The following NUDT5 variants were observed in gnomAD, a reference collection of about 807,000 sequenced individuals.
NUDT5 encodes the protein ADP-sugar pyrophosphatase.
A neutral mutation model predicts 34.1 loss-of-function variants in NUDT5; 21 were observed. That is an observed-to-expected ratio of 0.62 (90% CI 0.44 to 0.89). The LOEUF (loss-of-function observed/expected upper bound fraction) is 0.89. Among genes scored for constraint, NUDT5 ranks in the 40% least tolerant of loss-of-function variants. The pLI is 0.00. For missense variants in NUDT5, 249 were observed against 274.8 expected (o/e 0.91, Z 0.66); for synonymous variants, 85 against 97.6 (o/e 0.87, Z 0.76).
At chr10:12,172,558 C>T (rs1460775965) in intron 7 of NUDT5, 1 of 584,148 alleles carries the variant, frequency 1.7e-6, no homozygotes, top group Non-Finnish European at 3.1e-6. Flanking sequence ...CATTTTTTTA[C>T]AAAGAAAGCG....
In NUDT5 at chr10:12,166,835, A is replaced by G. The variant is rs1308319531; in HGVS notation, c.*867T>C. 1 of 453,386 alleles carries G rather than the reference A, an allele frequency of 2.2e-6. No individual in the cohort carries two copies. Among genetic ancestry groups the G allele is most frequent in the African/African-American group, 2.0e-5 (1 of 49,122 alleles). The allele number at this position is 453,386 out of a possible 1,614,324, so 28.1% of individuals were successfully genotyped here. ...TAGAACTGCTAGATGACAGGGTTTC[A>G]GGCATGGGAACCAGATCAATCTGTA... is the stretch of plus-strand genomic sequence containing the variant. On this transcript the variant is annotated 3_prime_UTR_variant, in exon 10 of 10. Transcript: ENST00000491614.
intron 1 of NUDT5, among the ~76,000 whole-genome samples, chr10:12,194,068 G>C (rs1186020975): frequency 2.6e-5 from 4 of 152,186 alleles, no homozygotes; most frequent in Non-Finnish European, 4.4e-5. Flanking sequence ...GTAGGGACGG[G>C]GTTTCGCCAT....
chr10:12,180,049 C>T (rs1374290744), intron 3 of NUDT5, among the ~76,000 whole-genome samples: 1 of 152,156 alleles, frequency 6.6e-6, no homozygotes, highest in African/African-American at 2.4e-5. Context: ...AAGGAGTTAC[C>T]ACCTGCATCT....
chr10:12,176,212 T>TA (rs564517126), intron 5 of NUDT5, among the ~76,000 whole-genome samples: 16 of 146,588 alleles, frequency 1.1e-4, no homozygotes, highest in South Asian at 6.5e-4. Flanking sequence ...AATAAAAAAA[T>TA]AAAAAAAAAG....
chr10:12,169,887 C>A lies in NUDT5; in HGVS notation c.550+830G>T. On this transcript the variant is annotated intron_variant, in intron 9 of 9. Coordinates refer to ENST00000491614, the MANE Select transcript of NUDT5 (RefSeq NM_014142.4). This position sits in a 1 kb window ranked among gnomAD's most constrained non-coding sequence, Gnocchi z 4.8. ...CTTCAAATCACATTTGAAGTAATCA[C>A]TTAAAAACAGTAGAAAAATCAGTTA... 1 of 465,484 alleles carries A rather than the reference C, an allele frequency of 2.1e-6. No homozygotes were observed. Among genetic ancestry groups the A allele is most frequent in the Non-Finnish European group, 3.8e-6 (1 of 262,856 alleles). 28.8% of individuals were successfully genotyped at this position (465,484 alleles called of 1,614,324 possible). A position where few individuals can be genotyped will look rare whatever the true frequency, so the allele number is the denominator to read the frequency against.
In NUDT5 at chr10:12,175,519, G is replaced by A. The variant is rs1588656692; in HGVS notation, c.290-1706C>T. On this transcript the variant is annotated intron_variant, in intron 5 of 9. Transcript: ENST00000491614. The surrounding 1 kb of genome is among the most constrained non-coding windows in gnomAD (Gnocchi z 4.8). ...AAATCGAATGCGGTGATGCACGCCTGCAGACCCAGCTACCCAGGAAGCCAA... is the reference window on the plus strand; with the variant it reads ...AAATCGAATGCGGTGATGCACGCCTACAGACCCAGCTACCCAGGAAGCCAA... 6.6e-6 allele frequency among the ~76,000 whole-genome samples: 1 copy of A among 151,448 alleles called. No homozygotes were observed. Among genetic ancestry groups the A allele is most frequent in the East Asian group, 1.9e-4 (1 of 5,162 alleles).
rs1297288731 is a variant in NUDT5 at position 12,167,007 on chromosome 10, A to G, written c.*695T>C. 4.9e-6 allele frequency: 1 copy of G among 202,276 alleles called. No individual in the cohort carries two copies. Among genetic ancestry groups the G allele is most frequent in the Admixed American group, 5.5e-5 (1 of 18,272 alleles). The allele number at this position is 202,276 out of a possible 1,614,324, so 12.5% of individuals were successfully genotyped here. A position where few individuals can be genotyped will look rare whatever the true frequency, so the allele number is the denominator to read the frequency against. On this transcript the variant is annotated 3_prime_UTR_variant, in exon 10 of 10. Coordinates refer to ENST00000491614, the MANE Select transcript of NUDT5 (RefSeq NM_014142.4). Reference sequence around the variant, plus strand: ...AGAAACTTCAAGTACTCTTTGAGGTAAGAATAGGAAAAGAGATCCTCAAGC... The same window carrying G: ...AGAAACTTCAAGTACTCTTTGAGGTGAGAATAGGAAAAGAGATCCTCAAGC...
chr10:12,185,307 C>T (rs76605301), intron 2 of NUDT5, among the ~76,000 whole-genome samples: 5,172 of 152,188 alleles, frequency 0.034, 108 homozygotes, highest in Non-Finnish European at 0.05. Flanking sequence ...ATGGTCTGTC[C>T]CCTGACCTGG....
intron 3 of NUDT5, among the ~76,000 whole-genome samples, chr10:12,180,965 A>G (rs193111773): frequency 2.2e-3 from 328 of 152,262 alleles, no homozygotes; most frequent in Non-Finnish European, 3.2e-3. Context: ...ATATTTTTAT[A>G]TTTCTAAAAT....
chr10:12,171,185 C>T lies in NUDT5; in HGVS notation c.488-277G>A, dbSNP rs1454841462. 2.0e-5 allele frequency among the ~76,000 whole-genome samples: 3 copies of T among 152,124 alleles called. No individual in the cohort carries two copies. Among genetic ancestry groups the T allele is most frequent in the African/African-American group, 4.8e-5 (2 of 41,388 alleles). On this transcript the variant is annotated intron_variant, in intron 7 of 9. Coordinates refer to ENST00000491614, the MANE Select transcript of NUDT5 (RefSeq NM_014142.4). The surrounding 1 kb of genome is among the most constrained non-coding windows in gnomAD (Gnocchi z 4.2). The stretch of plus-strand genomic sequence containing the variant: ...AATATACAGAACATATAAAAACTTA[C>T]CTTTTAACCACTATGAAGGTACAAT...
intron 5 of NUDT5, among the ~76,000 whole-genome samples, chr10:12,177,396 G>GT (rs1215676518): frequency 6.6e-6 from 1 of 151,818 alleles, no homozygotes; most frequent in Non-Finnish European, 1.5e-5. Context: ...GCGGGCGCCT[G>GT]TAGTCCCAGC....
intron 1 of NUDT5, among the ~76,000 whole-genome samples, chr10:12,188,368 T>A (rs1835161881): frequency 6.6e-6 from 1 of 152,196 alleles, no homozygotes; most frequent in African/African-American, 2.4e-5. Flanking sequence ...AAATCAAATA[T>A]CTGATTGACT....
chr10:12,179,852 A>T (rs936113168), intron 3 of NUDT5, among the ~76,000 whole-genome samples: 3 of 152,234 alleles, frequency 2.0e-5, no homozygotes, highest in African/African-American at 7.2e-5. Context: ...GTTGTACAGG[A>T]AACCCAGTTA....
At chr10:12,172,460 T>C in intron 7 of NUDT5, 1 of 362,656 alleles carries the variant, frequency 2.8e-6, no homozygotes. Context: ...GTGATTTAAG[T>C]TTCTCACTGT....
intron 9 of NUDT5, 142 bp from the exon 10 acceptor site, chr10:12,167,953 A>G (rs985619057): frequency 1.3e-5 from 18 of 1,398,110 alleles, no homozygotes; most frequent in Non-Finnish European, 1.5e-5. Context: ...TTTGGTCTAT[A>G]AGGATCTTAA....
chr10:12,184,451 A>C (rs1439723279), intron 3 of NUDT5: 7 of 1,527,696 alleles, frequency 4.6e-6, no homozygotes, highest in Non-Finnish European at 6.2e-6. Flanking sequence ...GGTGTACAAA[A>C]TGTTTTTTTC....
Position 12,182,829 on chromosome 10 carries a change from C to T in NUDT5, c.131+2060G>A, listed in dbSNP as rs1220152031. 1.3e-5 allele frequency among the ~76,000 whole-genome samples: 2 copies of T among 152,180 alleles called. No individual in the cohort carries two copies. The highest frequency in any genetic ancestry group is 2.9e-5 in the Non-Finnish European group (2 of 68,040). On this transcript the variant is annotated intron_variant, in intron 3 of 9. Coordinates refer to ENST00000491614, the MANE Select transcript of NUDT5 (RefSeq NM_014142.4). This position sits in a 1 kb window ranked among gnomAD's most constrained non-coding sequence, Gnocchi z 4.3. ...TCGGCTCACTGCAACCACCTCCTCC[C>T]GGGCTCAAGCAATTCTCCTGTCTCA...
chr10:12,180,804 T>G lies in NUDT5; in HGVS notation c.132-1672A>C, dbSNP rs1835030581. Among the ~76,000 whole-genome samples, 3 of 152,262 alleles carry G rather than the reference T, an allele frequency of 2.0e-5. No individual in the cohort carries two copies. The South Asian group carries it at 6.2e-4, about 31-fold the overall frequency. ...AAAACCTCTTCTAGCTTTAGGATTC[T>G]GCTTCCAGTGAGATCATCCTATTCC... On this transcript the variant is annotated intron_variant, in intron 3 of 9. Coordinates refer to ENST00000491614, the MANE Select transcript of NUDT5 (RefSeq NM_014142.4).
chr10:12,166,804 C>T lies in NUDT5; in HGVS notation c.*898G>A, dbSNP rs1942230071. The T allele has an allele frequency of 4.2e-6, 2 of 475,284 alleles. No homozygotes were observed. Among genetic ancestry groups the T allele is most frequent in the Non-Finnish European group, 8.7e-6 (2 of 230,280 alleles). 29.4% of individuals were successfully genotyped at this position (475,284 alleles called of 1,614,324 possible). ...AGAAGCTAAGAAAATGGCCCAGGAACACTGGTAGAACTGCTAGATGACAGG... is the reference window on the plus strand; with the variant it reads ...AGAAGCTAAGAAAATGGCCCAGGAATACTGGTAGAACTGCTAGATGACAGG... On this transcript the variant is annotated 3_prime_UTR_variant, in exon 10 of 10. Coordinates refer to ENST00000491614, the MANE Select transcript of NUDT5 (RefSeq NM_014142.4).
Sources: gnomAD v4.1 joint callset for allele counts (sites outside exome capture counted in the v4.1 genomes callset) on GRCh38, gnomAD v4.1.1 for gene constraint, Gnocchi (gnomAD v3.1) non-coding constraint, MANE v1.5 for transcripts, NCBI Gene and HGNC (gene_info 2026-07-23, HGNC 2026-07-21) for gene names.